Variants in NEDD4L observed in about 807,000 individuals in gnomAD.
NEDD4L encodes the protein NEDD4 like E3 ubiquitin protein ligase, also known as E3 ubiquitin-protein ligase NEDD4-like.
Under a neutral mutation model 148.9 loss-of-function variants are expected in NEDD4L, and 54 were observed. The observed-to-expected ratio is 0.36, with a 90% confidence interval of 0.29 to 0.45. NEDD4L has a LOEUF of 0.45. NEDD4L is among the 20% of genes least tolerant of loss of function. NEDD4L has a pLI of 1.00. For missense variants in NEDD4L, 856 were observed against 1,233.8 expected, an observed-to-expected ratio of 0.69 and a Z score of 4.59; for synonymous variants, 433 against 440.7, an observed-to-expected ratio of 0.98 and a Z score of 0.22.
intron 5 of NEDD4L, among the ~76,000 whole-genome samples, chr18:58,301,702 A>G (rs1291028493): frequency 6.6e-6 from 1 of 152,160 alleles, no homozygotes; most frequent in Non-Finnish European, 1.5e-5. Context: ...TGTTTTTTCA[A>G]GCTGTTGTCT....
chr18:58,314,761 A>AT (rs975819803), intron 5 of NEDD4L, among the ~76,000 whole-genome samples: 17 of 152,136 alleles, frequency 1.1e-4, no homozygotes, highest in Non-Finnish European at 2.5e-4. Context: ...GGTAACTTTG[A>AT]TTTTTTTATT....
chr18:58,350,978 C>T lies in NEDD4L; in HGVS notation c.1654-13C>T, dbSNP rs2043807287. Reference sequence around the variant, plus strand: ...TTTATATTTTCTCTCTCCCTTCCTTCCCCGGATACTAGCCTGGCTGGGAAG... The same window carrying T: ...TTTATATTTTCTCTCTCCCTTCCTTTCCCGGATACTAGCCTGGCTGGGAAG... On this transcript the variant is annotated splice_polypyrimidine_tract_variant and intron_variant, in intron 17 of 30. Transcript: ENST00000400345. The T allele has an allele frequency of 3.2e-6, 5 of 1,580,206 alleles. No individual in the cohort carries two copies. The East Asian group carries it at 1.1e-4, about 36-fold the overall frequency.
intron 2 of NEDD4L, among the ~76,000 whole-genome samples, chr18:58,230,260 G>A (rs1179628058): frequency 6.6e-6 from 1 of 152,036 alleles, no homozygotes; most frequent in African/African-American, 2.4e-5. Flanking sequence ...TATTTCTTGT[G>A]TTCTTTTGAT....
At chr18:58,260,893 C>T (rs2049279197) in intron 5 of NEDD4L, among the ~76,000 whole-genome samples, 1 of 152,098 alleles carries the variant, frequency 6.6e-6, no homozygotes, top group Non-Finnish European at 1.5e-5. Context: ...ACTTAGACTC[C>T]CTCTCTAAGC....
chr18:58,190,828 G>A (rs2040025207), intron 2 of NEDD4L, among the ~76,000 whole-genome samples: 1 of 152,174 alleles, frequency 6.6e-6, no homozygotes, highest in African/African-American at 2.4e-5. Flanking sequence ...AATAGAAGAT[G>A]TAACAGTGAT....
intron 19 of NEDD4L, among the ~76,000 whole-genome samples, chr18:58,359,128 A>C (rs973868680): frequency 6.6e-6 from 1 of 152,070 alleles, no homozygotes; most frequent in African/African-American, 2.4e-5. Flanking sequence ...GATCTAATCA[A>C]GATAGTTCTG....
rs948173530 is a variant in NEDD4L, at chr18:58,175,693, T to C, written c.122+9832T>C. ...GCCCCAGAGGATCTAACTCTTAGGC[T>C]GTTTGTTCTAGCTGTATTCCTTCCC... On this transcript the variant is annotated intron_variant, in intron 2 of 30. Transcript: ENST00000400345. Among the ~76,000 whole-genome samples the C allele has an allele frequency of 2.0e-5, 3 of 152,384 alleles. No individual in the cohort carries two copies. In the South Asian group the frequency reaches 6.2e-4, roughly 32 times the overall value.
intron 2 of NEDD4L, among the ~76,000 whole-genome samples, chr18:58,243,617 C>A (rs562809674): frequency 6.6e-6 from 1 of 152,270 alleles, no homozygotes; most frequent in Admixed American, 6.5e-5. Flanking sequence ...GAAAGTGACG[C>A]CTGATTCATC....
chr18:58,183,895 CAT>C, intron 2 of NEDD4L, among the ~76,000 whole-genome samples: 1 of 152,204 alleles, frequency 6.6e-6, no homozygotes, highest in Non-Finnish European at 1.5e-5. Flanking sequence ...TAAGGCCAGG[CAT>C]GGTGGCTCAC....
rs1040284517 is a variant in NEDD4L at position 58,178,627 on chromosome 18, G to A, written c.122+12766G>A. ...GGAATCTGCAATGTGTAACTCCTCCGTAAATTATTAAAAGGATTGGCATTC... is the reference window on the plus strand; with the variant it reads ...GGAATCTGCAATGTGTAACTCCTCCATAAATTATTAAAAGGATTGGCATTC... On this transcript the variant is annotated intron_variant, in intron 2 of 30. Coordinates refer to ENST00000400345, the MANE Select transcript of NEDD4L (RefSeq NM_001144967.3). Among the ~76,000 whole-genome samples the A allele has an allele frequency of 8.5e-5, 13 of 152,266 alleles. No homozygotes were observed. The East Asian group carries it at 1.9e-3, about 23-fold the overall frequency.
chr18:58,082,102 A>ATATATATTTTTTTTTTTTTTTTTTTT, intron 1 of NEDD4L, among the ~76,000 whole-genome samples: 2 of 48,832 alleles, frequency 4.1e-5, no homozygotes, highest in African/African-American at 1.3e-4. Context: ...ATATATATAT[A>ATATATATTTTTTTTTTTTTTTTTTTT]TTTTTTTTTT....
intron 1 of NEDD4L, among the ~76,000 whole-genome samples, chr18:58,111,959 C>T (rs1011148032): frequency 3.3e-5 from 5 of 152,190 alleles, no homozygotes; most frequent in Admixed American, 2.6e-4. Flanking sequence ...TGTTGTCTGT[C>T]CAGTGATAGC....
At chr18:58,122,080 C>T (rs557104000) in intron 1 of NEDD4L, among the ~76,000 whole-genome samples, 14 of 152,314 alleles carry the variant, frequency 9.2e-5, no homozygotes, top group African/African-American at 1.4e-4. Context: ...TGGGCTGTGT[C>T]GCCCTCTAGT....
chr18:58,137,401 A>G (rs983015878), intron 1 of NEDD4L, among the ~76,000 whole-genome samples: 44 of 152,090 alleles, frequency 2.9e-4, no homozygotes, highest in Non-Finnish European at 6.0e-4. Flanking sequence ...GGCAGTGGAG[A>G]AGGGGAGTGA....
intron 1 of NEDD4L, among the ~76,000 whole-genome samples, chr18:58,122,191 G>T (rs1347387941): frequency 6.6e-6 from 1 of 152,166 alleles, no homozygotes; most frequent in Non-Finnish European, 1.5e-5. Context: ...GTGTTTAGTT[G>T]CTGACAAGTG....
At chr18:58,314,332 G>A (rs577043990) in intron 5 of NEDD4L, among the ~76,000 whole-genome samples, 7 of 151,286 alleles carry the variant, frequency 4.6e-5, no homozygotes, top group South Asian at 4.2e-4. Flanking sequence ...CAGGAGAATC[G>A]CTTTAACCCA....
At chr18:58,272,292 G>T (rs904703976) in intron 5 of NEDD4L, among the ~76,000 whole-genome samples, 7 of 152,046 alleles carry the variant, frequency 4.6e-5, no homozygotes, top group African/African-American at 1.7e-4. Context: ...GTAAACCTGG[G>T]TGATTAAGTA....
intron 1 of NEDD4L, among the ~76,000 whole-genome samples, chr18:58,096,412 T>TTTTAC (rs1306461099): frequency 1.6e-5 from 2 of 127,892 alleles, no homozygotes; most frequent in African/African-American, 6.1e-5. Flanking sequence ...TTTTATTTTA[T>TTTTAC]TTTATTTATT....
chr18:58,047,006 A>G (rs2081615184), intron 1 of NEDD4L: 1 of 152,696 alleles, frequency 6.5e-6, no homozygotes, highest in Non-Finnish European at 1.5e-5. Context: ...GAATCAGGGA[A>G]TGCCTTCGTA....
Sources: allele counts gnomAD v4.1 joint callset (sites outside exome capture counted in the v4.1 genomes callset), GRCh38; gene constraint gnomAD v4.1.1; transcripts MANE v1.5; gene names NCBI Gene and HGNC (gene_info 2026-07-23, HGNC 2026-07-21).